The following PHIP variants were observed in gnomAD, a reference collection of about 807,000 sequenced individuals.
PHIP encodes the protein PH-interacting protein.
In PHIP, 54 loss-of-function variants were observed where a neutral mutation model predicts 236.8. That is an observed-to-expected ratio of 0.23 (90% CI 0.18 to 0.29). The LOEUF (loss-of-function observed/expected upper bound fraction) is 0.29. PHIP is among the 10% of genes least tolerant of loss of function. PHIP has a pLI of 1.00. For missense variants in PHIP, 1,370 were observed against 2,190.8 expected, an observed-to-expected ratio of 0.63 and a Z score of 7.48; for synonymous variants, 756 against 718.9, an observed-to-expected ratio of 1.05 and a Z score of -0.83.
At chr6:79,032,124 C>T (rs1250140743) in intron 7 of PHIP, among the ~76,000 whole-genome samples, 2 of 152,222 alleles carry the variant, frequency 1.3e-5, no homozygotes, top group Non-Finnish European at 1.5e-5. Flanking sequence ...CATACATTAA[C>T]TTAAAAATAC....
intron 39 of PHIP, among the ~76,000 whole-genome samples, chr6:78,941,813 TCACTATGTG>T (rs1256933119): frequency 6.6e-6 from 1 of 152,118 alleles, no homozygotes; most frequent in Non-Finnish European, 1.5e-5. Context: ...TCAATCAAAA[TCACTATGTG>T]TGCCACCATT....
intron 39 of PHIP, among the ~76,000 whole-genome samples, chr6:78,942,540 A>G (rs1773560013): frequency 6.6e-6 from 1 of 152,208 alleles, no homozygotes. Context: ...CAAAGGTCAG[A>G]GCCAAGTACA....
At chr6:78,987,741 G>A (rs552592798) in intron 21 of PHIP, among the ~76,000 whole-genome samples, 17 of 152,148 alleles carry the variant, frequency 1.1e-4, no homozygotes, top group African/African-American at 3.6e-4. Context: ...AAATAATGAC[G>A]CATGAGGAAT....
chr6:78,995,980 C>T (rs1769585464), intron 19 of PHIP, among the ~76,000 whole-genome samples: 1 of 152,032 alleles, frequency 6.6e-6, no homozygotes, highest in African/African-American at 2.4e-5. Context: ...TGACCATAGG[C>T]CAATGAATAG....
At chr6:78,994,377 A>C (rs1769475479) in intron 19 of PHIP, among the ~76,000 whole-genome samples, 1 of 152,178 alleles carries the variant, frequency 6.6e-6, no homozygotes, top group South Asian at 2.1e-4. Context: ...GGAGATCAAG[A>C]CCATCCTGGC....
At chr6:79,008,292 C>A (rs1196305690) in intron 15 of PHIP, among the ~76,000 whole-genome samples, 2 of 151,522 alleles carry the variant, frequency 1.3e-5, no homozygotes, top group Admixed American at 6.6e-5. Flanking sequence ...TTAACTTATG[C>A]CAACATAAAA....
chr6:79,040,252 T>C lies in PHIP; in HGVS notation c.600+2591A>G, dbSNP rs570443106. Among the ~76,000 whole-genome samples, 476 of 152,240 alleles carry C rather than the reference T, an allele frequency of 3.1e-3. 3 individuals carry two copies. Among genetic ancestry groups the C allele is most frequent in the African/African-American group, 0.011 (440 of 41,562 alleles). On this transcript the variant is annotated intron_variant, in intron 7 of 39. Coordinates refer to ENST00000275034, the MANE Select transcript of PHIP (RefSeq NM_017934.7). ...TGGAGATTAAAGAGATGAGGTAATC[T>C]GTCAAAGTTTCACTAGTAGAAGTGG...
Position 79,025,865 on chromosome 6 carries a change from C to T in PHIP, c.822+78G>A, listed in dbSNP as rs945906206. ...AAAGTAACTTCTTAAAATTTAATAA[C>T]CAAAAGTGACTTCATTAAATTTACT... On this transcript the variant is annotated intron_variant, in intron 8 of 39. Transcript: ENST00000275034. 22 of 1,108,096 alleles carry T rather than the reference C, an allele frequency of 2.0e-5. 1 individual carries two copies. The South Asian group carries it at 2.9e-4, about 15-fold the overall frequency. The allele number at this position is 1,108,096 out of a possible 1,614,324, so 68.6% of individuals were successfully genotyped here. A position where few individuals can be genotyped will look rare whatever the true frequency, so the allele number is the denominator to read the frequency against.
At chr6:78,949,839 C>T (rs1454093015) in intron 35 of PHIP, among the ~76,000 whole-genome samples, 1 of 152,080 alleles carries the variant, frequency 6.6e-6, no homozygotes, top group East Asian at 1.9e-4. Flanking sequence ...TAGGTGCACG[C>T]CACTGCACCC....
At chr6:79,033,108 T>C (rs564649483) in intron 7 of PHIP, among the ~76,000 whole-genome samples, 6 of 152,212 alleles carry the variant, frequency 3.9e-5, no homozygotes, top group Admixed American at 1.3e-4. Flanking sequence ...GCTTAAAATA[T>C]TCAGTAAACC....
chr6:78,991,098 G>A, intron 19 of PHIP, 113 bp from the exon 20 acceptor site: 1 of 650,922 alleles, frequency 1.5e-6, no homozygotes. Flanking sequence ...ATTTTAAGAT[G>A]GAAGCATGTG....
Position 78,954,803 on chromosome 6 carries a change from A to G in PHIP, c.4053+11T>C, listed in dbSNP as rs1421877059. On this transcript the variant is annotated intron_variant, in intron 35 of 39. Coordinates refer to ENST00000275034, the MANE Select transcript of PHIP (RefSeq NM_017934.7). The stretch of plus-strand genomic sequence containing the variant: ...CTGACAGGTAAAGAAAATATTTTCA[A>G]AAATACTTACTGGATATTCAAGGAG... The G allele has an allele frequency of 1.9e-6, 3 of 1,558,062 alleles. No homozygotes were observed. The highest frequency in any genetic ancestry group is 1.2e-5 in the South Asian group (1 of 82,170).
rs963411676 is a variant in PHIP, at chr6:78,935,521, G to A, written c.*5172C>T. On this transcript the variant is annotated 3_prime_UTR_variant, in exon 40 of 40. Coordinates refer to ENST00000275034, the MANE Select transcript of PHIP (RefSeq NM_017934.7). Reference sequence around the variant, plus strand: ...TGTTCCACTGAAATGTATCTCTTACGAAAGTATCTGAATAGTGAAGTATTT... The same window carrying A: ...TGTTCCACTGAAATGTATCTCTTACAAAAGTATCTGAATAGTGAAGTATTT... 38 of 974,402 alleles carry A rather than the reference G, an allele frequency of 3.9e-5. No homozygotes were observed. The South Asian group carries it at 4.7e-4, about 12-fold the overall frequency. The allele number at this position is 974,402 out of a possible 1,614,324, so 60.4% of individuals were successfully genotyped here. A position where few individuals can be genotyped will look rare whatever the true frequency, so the allele number is the denominator to read the frequency against.
rs1491455481 is a variant in PHIP at position 78,943,990 on chromosome 6, T to TTA, written c.4828+1309_4828+1310insTA. Among the ~76,000 whole-genome samples, 503 of 78,186 alleles carry TTA rather than the reference T, an allele frequency of 6.4e-3. 6 individuals are homozygous for TTA. Among genetic ancestry groups the TTA allele is most frequent in the African/African-American group, 0.024 (467 of 19,186 alleles). 51.3% of individuals were successfully genotyped at this position (78,186 alleles called of 152,430 possible). A position where few individuals can be genotyped will look rare whatever the true frequency, so the allele number is the denominator to read the frequency against. On this transcript the variant is annotated intron_variant, in intron 39 of 39. Coordinates refer to ENST00000275034, the MANE Select transcript of PHIP (RefSeq NM_017934.7). ...GACAGAGCAAGATCCTGTCTTTTTT[T>TTA]AAAAAAAAAAAAAAAAAAAAAAAGG... is the stretch of plus-strand genomic sequence containing the variant.
intron 33 of PHIP, 111 bp downstream of exon 33, chr6:78,955,502 T>C: frequency 3.6e-6 from 2 of 552,558 alleles, no homozygotes; most frequent in Middle Eastern, 4.7e-4. Flanking sequence ...TTAAATTAAC[T>C]ACACTAGACA....
At chr6:78,997,388 A>C in intron 19 of PHIP, 26 bp downstream of exon 19, 2 of 1,597,290 alleles carry the variant, frequency 1.3e-6, no homozygotes, top group Non-Finnish European at 1.7e-6. Flanking sequence ...GAACTATGGT[A>C]CATAAAAATT....
At chr6:78,948,184 A>G (rs1414114025) in intron 35 of PHIP, among the ~76,000 whole-genome samples, 1 of 152,222 alleles carries the variant, frequency 6.6e-6, no homozygotes, top group African/African-American at 2.4e-5. Flanking sequence ...TTAAGGAAAT[A>G]AAAACAATGG....
intron 32 of PHIP, chr6:78,956,735 C>A (rs143951144): frequency 4.6e-4 from 70 of 152,268 alleles, no homozygotes; most frequent in African/African-American, 1.6e-3. Context: ...TCAGTATCTA[C>A]ACCTTGTATA....
intron 39 of PHIP, among the ~76,000 whole-genome samples, 176 bp downstream of exon 39, chr6:78,945,124 A>G (rs1773729923): frequency 6.7e-6 from 1 of 148,880 alleles, no homozygotes; most frequent in South Asian, 2.1e-4. Flanking sequence ...CATTCTGTTT[A>G]CCAGGATGGA....
Sources: gnomAD v4.1 joint callset for allele counts (sites outside exome capture counted in the v4.1 genomes callset) on GRCh38, gnomAD v4.1.1 for gene constraint, MANE v1.5 for transcripts, NCBI Gene and HGNC (gene_info 2026-07-23, HGNC 2026-07-21) for gene names.